Variants in AR observed in about 807,000 individuals in gnomAD.
AR encodes androgen receptor.
In AR, 8 loss-of-function variants were observed where a neutral mutation model predicts 53.9. The observed-to-expected ratio is 0.15, with a 90% CI of 0.09 to 0.27. AR has a LOEUF of 0.27. AR is among the 10% of genes least tolerant of loss of function. AR has a pLI of 1.00. For synonymous variants in AR, 359 were observed against 316.4 expected (o/e 1.13, Z -1.43); for missense variants, 639 against 742.5 (o/e 0.86, Z 1.62).
intron 1 of AR, among the ~76,000 whole-genome samples, chrX:67,600,981 G>A (rs1923326968): frequency 9.0e-6 from 1 of 111,587 alleles, no homozygotes; most frequent in African/African-American, 3.2e-5. Context: ...ATGTTAGTTA[G>A]CAAAGATCAC....
At chrX:67,706,870 G>A (rs2076070459) in intron 3 of AR, among the ~76,000 whole-genome samples, 2 of 111,677 alleles carry the variant, frequency 1.8e-5, no homozygotes, top group Admixed American at 1.9e-4. Flanking sequence ...TTGGTTTCAA[G>A]GAACATCTTT....
intron 2 of AR, among the ~76,000 whole-genome samples, chrX:67,649,648 A>G (rs1355304886): frequency 9.0e-6 from 1 of 111,708 alleles, no homozygotes; most frequent in Non-Finnish European, 1.9e-5. Flanking sequence ...TTTTTTTCAT[A>G]TGTTTGTTGG....
intron 2 of AR, among the ~76,000 whole-genome samples, chrX:67,645,632 G>C (rs1193257468): frequency 9.0e-6 from 1 of 111,089 alleles, no homozygotes; most frequent in African/African-American, 3.3e-5. Context: ...GAAAAACAAT[G>C]AAAAGGGAAC....
chrX:67,679,284 A>C (rs1473846296), intron 2 of AR, among the ~76,000 whole-genome samples: 1 of 111,620 alleles, frequency 9.0e-6, no homozygotes, highest in Non-Finnish European at 1.9e-5. Flanking sequence ...TTTTGTTATT[A>C]TTTTAACAAA....
At chrX:67,555,240 G>A (rs1233055667) in intron 1 of AR, among the ~76,000 whole-genome samples, 1 of 111,862 alleles carries the variant, frequency 8.9e-6, no homozygotes, top group Non-Finnish European at 1.9e-5. Context: ...GGTCAGCAAT[G>A]TTACCTGTGG....
At chrX:67,664,581 G>A (rs767852037) in intron 2 of AR, among the ~76,000 whole-genome samples, 2 of 112,301 alleles carry the variant, frequency 1.8e-5, no homozygotes, top group South Asian at 7.4e-4. Context: ...ACTTGAGGAG[G>A]CAGTCTGTCC....
intron 2 of AR, among the ~76,000 whole-genome samples, chrX:67,661,936 A>C (rs1225751031): frequency 8.9e-6 from 1 of 111,903 alleles, no homozygotes; most frequent in East Asian, 2.8e-4. Context: ...GTATGTGTCG[A>C]GGAATTTATC....
intron 1 of AR, among the ~76,000 whole-genome samples, chrX:67,586,510 G>C (rs1922553389): frequency 8.9e-6 from 1 of 111,922 alleles, no homozygotes; most frequent in Admixed American, 9.5e-5. Flanking sequence ...ACACCTCTAT[G>C]AGAGATGAAA....
At chrX:67,707,285 G>T (rs183272248) in intron 3 of AR, among the ~76,000 whole-genome samples, 2 of 111,981 alleles carry the variant, frequency 1.8e-5, no homozygotes, top group African/African-American at 3.2e-5. Context: ...AAGTCTCTTT[G>T]TAGGTCTCTA....
chrX:67,552,049 A>G (rs950578750), intron 1 of AR, among the ~76,000 whole-genome samples: 8 of 112,305 alleles, frequency 7.1e-5, no homozygotes, highest in Non-Finnish European at 1.3e-4. Flanking sequence ...TTTACAATCC[A>G]TACAATTCAC....
intron 1 of AR, among the ~76,000 whole-genome samples, chrX:67,637,442 C>T (rs1925495705): frequency 9.5e-6 from 1 of 105,015 alleles, no homozygotes; most frequent in Non-Finnish European, 1.9e-5. Context: ...GTTTTTTGTC[C>T]TTGCCATAGT....
intron 1 of AR, among the ~76,000 whole-genome samples, chrX:67,561,477 T>C (rs1316547034): frequency 1.8e-5 from 2 of 112,331 alleles, no homozygotes; most frequent in Admixed American, 1.9e-4. Flanking sequence ...TTACATAACA[T>C]TGTATTAGCT....
rs145534507 is a variant in AR, at chrX:67,611,172, C to T, written c.1617-32084C>T. On this transcript the variant is annotated intron_variant, in intron 1 of 7. Transcript: ENST00000374690. ...TTAACCATTGGACATAAGGAATGTA[C>T]GCATTTTAAGTACTGGTAGATATTA... is the stretch of plus-strand genomic sequence containing the variant. Among the ~76,000 whole-genome samples the T allele has an allele frequency of 3.8e-3, 429 of 111,647 alleles. 1 individual carries two copies. Among genetic ancestry groups the T allele is most frequent in the African/African-American group, 0.013 (413 of 30,782 alleles).
chrX:67,655,869 C>A (rs1398218492), intron 2 of AR, among the ~76,000 whole-genome samples: 1 of 112,314 alleles, frequency 8.9e-6, no homozygotes, highest in Non-Finnish European at 1.9e-5. Flanking sequence ...AGAAATCAGT[C>A]CCTCATCAAA....
chrX:67,605,209 A>G (rs1923568683), intron 1 of AR, among the ~76,000 whole-genome samples: 1 of 112,556 alleles, frequency 8.9e-6, no homozygotes, highest in South Asian at 3.7e-4. Flanking sequence ...TTAGTTGCCA[A>G]TGGCATCTTT....
intron 3 of AR, among the ~76,000 whole-genome samples, chrX:67,701,840 C>T (rs2076043855): frequency 1.8e-5 from 2 of 112,216 alleles, no homozygotes. Context: ...ACTATAGTGT[C>T]CCAAATCTAT....
In AR at chrX:67,638,105, G is replaced by C. The variant is rs148515338; in HGVS notation, c.1617-5151G>C. On this transcript the variant is annotated intron_variant, in intron 1 of 7. Coordinates refer to ENST00000374690, the MANE Select transcript of AR (RefSeq NM_000044.6). ...TTTTCTTTTCTTGTGTTAGTTTGCTGAGAATGATGGTTTCCAGCTTCATCC... is the reference window on the plus strand; with the variant it reads ...TTTTCTTTTCTTGTGTTAGTTTGCTCAGAATGATGGTTTCCAGCTTCATCC... Among the ~76,000 whole-genome samples the C allele has an allele frequency of 8.9e-3, 990 of 111,231 alleles. 3 individuals are homozygous for C. The highest frequency in any genetic ancestry group is 0.016 in the Non-Finnish European group (830 of 53,010).
intron 1 of AR, among the ~76,000 whole-genome samples, chrX:67,610,656 C>T (rs976820847): frequency 9.0e-6 from 1 of 111,390 alleles, no homozygotes; most frequent in Non-Finnish European, 1.9e-5. Flanking sequence ...CTTATATATG[C>T]TTTTCCATAT....
At chrX:67,687,853 G>A (rs190125135) in intron 3 of AR, among the ~76,000 whole-genome samples, 10 of 111,914 alleles carry the variant, frequency 8.9e-5, no homozygotes, top group Non-Finnish European at 1.3e-4. Flanking sequence ...ATAACATTTG[G>A]ATGCAAATCT....
Sources: gnomAD v4.1 joint callset for allele counts (sites outside exome capture counted in the v4.1 genomes callset) on GRCh38, gnomAD v4.1.1 for gene constraint, MANE v1.5 for transcripts, NCBI Gene and HGNC (gene_info 2026-07-23, HGNC 2026-07-21) for gene names.